Variants in ISL2 observed in about 807,000 individuals in gnomAD.
ISL2 encodes ISL LIM homeobox 2, also known as insulin gene enhancer protein ISL-2.
In ISL2, 17 loss-of-function variants were observed where a neutral mutation model predicts 34.6. The ratio of observed to expected loss-of-function variants is 0.49; its 90% CI spans 0.34 to 0.74. ISL2 has a LOEUF of 0.74. Ranked by LOEUF, ISL2 falls within the 30% of genes least tolerant of loss-of-function variation. ISL2 has a pLI of 0.01. For synonymous variants in ISL2, 232 were observed against 225.5 expected, an observed-to-expected ratio of 1.03 and a Z score of -0.26; for missense variants, 469 against 515.2, an observed-to-expected ratio of 0.91 and a Z score of 0.87.
chr15:76,336,965 G>C (rs775977438), intron 1 of ISL2, 24 bp downstream of exon 1: 55 of 1,590,234 alleles, frequency 3.5e-5, no homozygotes, highest in Non-Finnish European at 4.6e-5. Context: ...TGTGTGTGTG[G>C]GGTGGGGTGT....
At chr15:76,337,526 G>GAC (rs2040159776) in intron 1 of ISL2, 2 of 452,894 alleles carry the variant, frequency 4.4e-6, no homozygotes, top group Non-Finnish European at 3.9e-6. Context: ...TCGACAAAAC[G>GAC]ACTGTCATTA....
chr15:76,338,252 G>T lies in ISL2; in HGVS notation c.249G>T (p.Arg83Ser). The stretch of plus-strand genomic sequence containing the variant: ...ACACCGCCGCACCTTGGGCCCGCAG[G>T]CTGTTCGGCATCAAGTGCGCCAAGT... ...GKTYCKRDYVRLFGIKCAKCQ... is the reference protein window; with the variant it reads ...GKTYCKRDYVSLFGIKCAKCQ... Residue 83 changes from arginine (R) to serine (S), a missense_variant and splice_region_variant, in exon 3 of 6, where the codon AGG becomes AGT. Arg to Ser is a moderately radical substitution (Grantham distance 110, BLOSUM62 -1). This residue lies in a region of ISL2 where 297 missense variants were observed against 337.8 expected (regional missense o/e 0.88). Transcript: ENST00000290759. 1.9e-6 allele frequency: 3 copies of T among 1,559,522 alleles called. No individual in the cohort carries two copies. The highest frequency in any genetic ancestry group is 2.6e-6 in the Non-Finnish European group (3 of 1,158,776).
intron 3 of ISL2, chr15:76,338,906 G>T (rs2040172672): frequency 1.0e-6 from 1 of 985,380 alleles, no homozygotes; most frequent in Non-Finnish European, 1.2e-6. Flanking sequence ...TTGCCCAGGG[G>T]TATGTGTGTA....
chr15:76,339,457 G>A lies in ISL2; in HGVS notation c.512-819G>A, dbSNP rs1017036991. 4.8e-5 allele frequency: 47 copies of A among 985,306 alleles called. No homozygotes were observed. In the South Asian group the frequency reaches 1.7e-3, roughly 36 times the overall value. 61.0% of individuals were successfully genotyped at this position (985,306 alleles called of 1,614,324 possible). A position where few individuals can be genotyped will look rare whatever the true frequency, so the allele number is the denominator to read the frequency against. On this transcript the variant is annotated intron_variant, in intron 3 of 5. Transcript: ENST00000290759. ...TGGAGATGTGAAATGGGAGCAAGCG[G>A]GTATTCAGTGCACCCCCATCTGGGA...
intron 5 of ISL2, among the ~76,000 whole-genome samples, 171 bp from the exon 6 acceptor site, chr15:76,341,548 G>A (rs1293055538): frequency 1.3e-5 from 2 of 150,128 alleles, no homozygotes; most frequent in African/African-American, 4.9e-5. Context: ...CCGCTCCCCC[G>A]CCCTAATCCC....
chr15:76,339,023 G>A, intron 3 of ISL2: 5 of 985,382 alleles, frequency 5.1e-6, no homozygotes, highest in Non-Finnish European at 6.0e-6. Flanking sequence ...CCAGTTTGAT[G>A]AACAATTTAG....
chr15:76,339,386 G>GA (rs1329319569), intron 3 of ISL2: 1 of 985,324 alleles, frequency 1.0e-6, no homozygotes, highest in African/African-American at 1.7e-5. Flanking sequence ...AACATAAACC[G>GA]AAATGGTGCA....
intron 4 of ISL2, 75 bp from the exon 5 acceptor site, chr15:76,341,059 G>A: frequency 7.3e-7 from 1 of 1,376,078 alleles, no homozygotes; most frequent in Non-Finnish European, 9.8e-7. Flanking sequence ...CTCAAGGCCT[G>A]GAGCTCCAGT....
At position 76,338,241 on chromosome 15, in the gene ISL2, T is replaced by G. The variant is rs2040167418; in HGVS notation, c.249-11T>G. 2 of 1,547,822 alleles carry G rather than the reference T, an allele frequency of 1.3e-6. No homozygotes were observed. ...GCCCAGCGCTGACACCGCCGCACCT[T>G]GGGCCCGCAGGCTGTTCGGCATCAA... On this transcript the variant is annotated splice_polypyrimidine_tract_variant and intron_variant, in intron 2 of 5. Transcript: ENST00000290759.
At chr15:76,341,469 C>T (rs1314779660) in intron 5 of ISL2, among the ~76,000 whole-genome samples, 168 bp downstream of exon 5, 1 of 152,212 alleles carries the variant, frequency 6.6e-6, no homozygotes, top group African/African-American at 2.4e-5. Context: ...CACCTCGGCC[C>T]ATTACGCGCC....
At position 76,337,820 on chromosome 15, in the gene ISL2, T is replaced by C. The variant is rs751288843; in HGVS notation, c.101T>C (p.Ile34Thr). The change falls in exon 2 of 6, where the codon ATC (isoleucine) becomes ACC (threonine). Residue 34 changes from isoleucine to threonine, a missense_variant. This residue lies in a region of ISL2 where 297 missense variants were observed against 337.8 expected (regional missense o/e 0.88). Coordinates refer to ENST00000290759, the MANE Select transcript of ISL2 (RefSeq NM_145805.3). ...ATGTGCGTGGGCTGCGGGAGTCAGA[T>C]CCACGACCAGTTTATCCTGCGGGTG... ...TAMCVGCGSQ[I>T]HDQFILRVSP... The C allele has an allele frequency of 6.2e-7, 1 of 1,610,960 alleles. No individual in the cohort carries two copies. Among genetic ancestry groups the C allele is most frequent in the Non-Finnish European group, 8.5e-7 (1 of 1,178,676 alleles).
chr15:76,340,209 G>A, intron 3 of ISL2, 67 bp from the exon 4 acceptor site: 1 of 1,455,200 alleles, frequency 6.9e-7, no homozygotes, highest in Non-Finnish European at 9.1e-7. Context: ...GGGCCACCCG[G>A]AGGTTGGGCT....
Position 76,341,985 on chromosome 15 carries a change from C to T in ISL2, c.*150C>T, listed in dbSNP as rs1005616606. The T allele has an allele frequency of 1.6e-6, 1 of 621,706 alleles. No individual in the cohort carries two copies. Among genetic ancestry groups the T allele is most frequent in the South Asian group, 1.9e-5 (1 of 51,378 alleles). The allele number at this position is 621,706 out of a possible 1,614,324, so 38.5% of individuals were successfully genotyped here. The stretch of plus-strand genomic sequence containing the variant: ...AGAGTACCGAGAGACACGGTCTGGA[C>T]AGCCCAAGGCGCCAGGATGCAACCT... On this transcript the variant is annotated 3_prime_UTR_variant, in exon 6 of 6. Coordinates refer to ENST00000290759, the MANE Select transcript of ISL2 (RefSeq NM_145805.3).
chr15:76,339,068 A>C, intron 3 of ISL2: 1 of 985,390 alleles, frequency 1.0e-6, no homozygotes, highest in Admixed American at 6.1e-5. Context: ...GTATCAATGC[A>C]TAGTGGACTG....
rs951998178 is a variant in ISL2, at chr15:76,337,594, C to T, written c.59-184C>T. The T allele has an allele frequency of 3.7e-5, 19 of 507,648 alleles. No individual in the cohort carries two copies. In the South Asian group the frequency reaches 5.5e-4, roughly 15 times the overall value. The allele number at this position is 507,648 out of a possible 1,614,324, so 31.4% of individuals were successfully genotyped here. A position where few individuals can be genotyped will look rare whatever the true frequency, so the allele number is the denominator to read the frequency against. ...GACAGAAGAAACCTTCAGCAATCCA[C>T]AAGATACTGGTTTTTCGTTTCCAAT... On this transcript the variant is annotated intron_variant, in intron 1 of 5. Transcript: ENST00000290759.
chr15:76,336,963 TGGG>T, intron 1 of ISL2, 22 bp downstream of exon 1: 1 of 1,591,472 alleles, frequency 6.3e-7, no homozygotes, highest in Non-Finnish European at 8.6e-7. Flanking sequence ...TGTGTGTGTG[TGGG>T]GTGGGGTGTG....
At chr15:76,336,968 TGGG>T in intron 1 of ISL2, 27 bp downstream of exon 1, 3 of 1,590,982 alleles carry the variant, frequency 1.9e-6, no homozygotes, top group Non-Finnish European at 2.6e-6. Context: ...GTGTGTGGGG[TGGG>T]GTGTGTGTGT....
intron 3 of ISL2, 185 bp from the exon 4 acceptor site, chr15:76,340,091 C>T (rs1458420238): frequency 2.1e-6 from 3 of 1,404,430 alleles, no homozygotes; most frequent in Admixed American, 3.2e-5. Flanking sequence ...AGAGAAAGAA[C>T]GAAAATGCAC....
At chr15:76,338,169 G>C in intron 2 of ISL2, 83 bp from the exon 3 acceptor site, 2 of 1,471,582 alleles carry the variant, frequency 1.4e-6, no homozygotes, top group East Asian at 5.7e-5. Flanking sequence ...AAGTGTCCTG[G>C]GCGCGCGCCG....
Sources: allele counts gnomAD v4.1 joint callset (sites outside exome capture counted in the v4.1 genomes callset), GRCh38; gene constraint gnomAD v4.1.1; regional missense constraint gnomAD v4.1.1; transcripts MANE v1.5; gene names NCBI Gene and HGNC (gene_info 2026-07-23, HGNC 2026-07-21).